The following PPAT variants were observed in gnomAD, a reference collection of about 807,000 sequenced individuals.
The protein encoded by PPAT is amidophosphoribosyltransferase.
Under a neutral mutation model 60.2 loss-of-function variants are expected in PPAT, and 20 were observed. That is an observed-to-expected ratio of 0.33 (90% CI 0.23 to 0.48). PPAT has a LOEUF of 0.48. Ranked by LOEUF, PPAT falls within the 20% of genes least tolerant of loss-of-function variation. The pLI, the probability that PPAT is intolerant of heterozygous loss-of-function variation, is 0.99. For synonymous variants in PPAT, 194 were observed against 215.1 expected (o/e 0.90, Z 0.86); for missense variants, 349 against 629.6 (o/e 0.55, Z 4.77).
At chr4:56,430,784 A>G (rs529587828) in intron 1 of PPAT, among the ~76,000 whole-genome samples, 2 of 151,812 alleles carry the variant, frequency 1.3e-5, no homozygotes, top group African/African-American at 4.8e-5. Flanking sequence ...CTTACAATAT[A>G]TAAGTCTAGG....
chr4:56,431,250 C>T (rs1717569147), intron 1 of PPAT, among the ~76,000 whole-genome samples: 1 of 152,118 alleles, frequency 6.6e-6, no homozygotes, highest in Non-Finnish European at 1.5e-5. Flanking sequence ...GTAAGATATT[C>T]CCTGCCTTAA....
chr4:56,432,973 C>CATAT (rs200791013), intron 1 of PPAT, among the ~76,000 whole-genome samples: 4 of 127,456 alleles, frequency 3.1e-5, no homozygotes, highest in African/African-American at 9.0e-5. Flanking sequence ...TATATATATA[C>CATAT]ATATATACAT....
At chr4:56,403,492 T>A in intron 3 of PPAT, 91 bp from the exon 4 acceptor site, 1 of 754,664 alleles carries the variant, frequency 1.3e-6, no homozygotes, top group Non-Finnish European at 2.0e-6. Flanking sequence ...AATAAGGCAT[T>A]CTGTGGATGT....
intron 3 of PPAT, among the ~76,000 whole-genome samples, chr4:56,404,465 G>A (rs182675531): frequency 1.8e-4 from 28 of 152,296 alleles, no homozygotes; most frequent in Admixed American, 1.6e-3. Context: ...TAATTACAAA[G>A]TTCTGAGCAG....
chr4:56,418,667 C>CA (rs1265478860), intron 1 of PPAT, among the ~76,000 whole-genome samples: 6 of 151,270 alleles, frequency 4.0e-5, no homozygotes, highest in Non-Finnish European at 5.9e-5. Context: ...AACCCTGTCT[C>CA]AAAAAAAACA....
intron 3 of PPAT, among the ~76,000 whole-genome samples, chr4:56,404,550 T>C (rs1006345778): frequency 2.0e-5 from 3 of 151,852 alleles, no homozygotes; most frequent in African/African-American, 7.3e-5. Context: ...ACATTTTCAG[T>C]AGGGAGCTAA....
At chr4:56,410,317 A>G (rs959784819) in intron 1 of PPAT, among the ~76,000 whole-genome samples, 1 of 152,238 alleles carries the variant, frequency 6.6e-6, no homozygotes, top group African/African-American at 2.4e-5. Context: ...TGATATAGTT[A>G]AGAATCATTT....
chr4:56,397,275 G>C (rs1476578546), intron 9 of PPAT, among the ~76,000 whole-genome samples: 2 of 151,992 alleles, frequency 1.3e-5, no homozygotes, highest in Non-Finnish European at 2.9e-5. Context: ...TTCACCAACA[G>C]GGAGATATGC....
intron 10 of PPAT, among the ~76,000 whole-genome samples, 188 bp from the exon 11 acceptor site, chr4:56,395,736 A>T (rs1443985903): frequency 6.6e-6 from 1 of 151,898 alleles, no homozygotes; most frequent in Non-Finnish European, 1.5e-5. Context: ...AAAAATTTTA[A>T]TTGGAATCTA....
Position 56,396,586 on chromosome 4 carries a change from A to C in PPAT, c.1357+33T>G. Reference sequence around the variant, plus strand: ...GTCAAGCTTTGGATTTTCTCTGTTAATAATCAAAGTTTATAGAAATTTTAA... The same window carrying C: ...GTCAAGCTTTGGATTTTCTCTGTTACTAATCAAAGTTTATAGAAATTTTAA... On this transcript the variant is annotated intron_variant, in intron 10 of 10. Transcript: ENST00000264220. This position sits in a 1 kb window ranked among gnomAD's most constrained non-coding sequence, Gnocchi z 4.6. 6.4e-7 allele frequency: 1 copy of C among 1,567,966 alleles called. No individual in the cohort carries two copies. Among genetic ancestry groups the C allele is most frequent in the African/African-American group, 1.4e-5 (1 of 73,498 alleles).
chr4:56,410,207 A>C (rs1221141431), intron 1 of PPAT, among the ~76,000 whole-genome samples: 1 of 152,216 alleles, frequency 6.6e-6, no homozygotes, highest in Non-Finnish European at 1.5e-5. Flanking sequence ...AAAAATCAAC[A>C]ATCATTTGGT....
chr4:56,423,695 A>G (rs1018229722), intron 1 of PPAT, among the ~76,000 whole-genome samples: 7 of 152,020 alleles, frequency 4.6e-5, no homozygotes, highest in Non-Finnish European at 8.8e-5. Flanking sequence ...CATGCCAAAT[A>G]TGAAATATTT....
chr4:56,396,850 A>G lies in PPAT; in HGVS notation c.1237-111T>C. 1 of 1,050,820 alleles carries G rather than the reference A, an allele frequency of 9.5e-7. No homozygotes were observed. The highest frequency in any genetic ancestry group is 1.3e-6 in the Non-Finnish European group (1 of 756,634). 65.1% of individuals were successfully genotyped at this position (1,050,820 alleles called of 1,614,324 possible). A position where few individuals can be genotyped will look rare whatever the true frequency, so the allele number is the denominator to read the frequency against. On this transcript the variant is annotated intron_variant, in intron 9 of 10. Transcript: ENST00000264220. The surrounding 1 kb of genome is among the most constrained non-coding windows in gnomAD (Gnocchi z 4.6). ...GAATATTCAGTAACAACATATGGGT[A>G]ATAAATTATTCTTTCTACAAAGCTG...
intron 1 of PPAT, among the ~76,000 whole-genome samples, chr4:56,413,054 TC>T (rs1251718017): frequency 1.3e-5 from 2 of 152,230 alleles, no homozygotes; most frequent in African/African-American, 4.8e-5. Context: ...ATACCTTTTG[TC>T]CATTTTTAGT....
chr4:56,425,929 C>A lies in PPAT; in HGVS notation c.128+9421G>T, dbSNP rs191718531. Reference sequence around the variant, plus strand: ...CTTCCCACAGACATCACTGCATTAACCTCTACACTTGACTTGTCTTTACTT... The same window carrying A: ...CTTCCCACAGACATCACTGCATTAAACTCTACACTTGACTTGTCTTTACTT... On this transcript the variant is annotated intron_variant, in intron 1 of 10. Coordinates refer to ENST00000264220, the MANE Select transcript of PPAT (RefSeq NM_002703.5). 2.6e-3 allele frequency among the ~76,000 whole-genome samples: 391 copies of A among 152,300 alleles called. 3 individuals are homozygous for A. The highest frequency in any genetic ancestry group is 8.9e-3 in the African/African-American group (368 of 41,546).
At chr4:56,406,743 G>C (rs757929334) in intron 2 of PPAT, 42 bp from the exon 3 acceptor site, 2 of 1,403,992 alleles carry the variant, frequency 1.4e-6, no homozygotes, top group Non-Finnish European at 2.0e-6. Context: ...AAACAGACTA[G>C]TACTGCTAGT....
intron 3 of PPAT, among the ~76,000 whole-genome samples, chr4:56,405,996 G>T (rs185158461): frequency 2.9e-3 from 449 of 152,258 alleles, no homozygotes; most frequent in Middle Eastern, 6.8e-3. Flanking sequence ...TCTGGAACCT[G>T]ACTTTACCTC....
In PPAT at chr4:56,393,549, T is replaced by C. The variant is rs1168120425; in HGVS notation, c.*1803A>G. On this transcript the variant is annotated 3_prime_UTR_variant, in exon 11 of 11. Coordinates refer to ENST00000264220, the MANE Select transcript of PPAT (RefSeq NM_002703.5). ...TTGAGATTAAATTGGTAAAAAAAAATTGTAATTGAATTCAGACTTCAGAAA... is the reference window on the plus strand; with the variant it reads ...TTGAGATTAAATTGGTAAAAAAAAACTGTAATTGAATTCAGACTTCAGAAA... 1 of 146,422 alleles carries C rather than the reference T, an allele frequency of 6.8e-6. No individual in the cohort carries two copies. Among genetic ancestry groups the C allele is most frequent in the African/African-American group, 2.5e-5 (1 of 39,668 alleles). 9.1% of individuals were successfully genotyped at this position (146,422 alleles called of 1,614,324 possible).
chr4:56,417,724 C>A (rs2110053779), intron 1 of PPAT, among the ~76,000 whole-genome samples: 1 of 152,150 alleles, frequency 6.6e-6, no homozygotes, highest in South Asian at 2.1e-4. Context: ...GGGTTCAAGG[C>A]TGCAGTGAGC....
Sources: gnomAD v4.1 joint callset for allele counts (sites outside exome capture counted in the v4.1 genomes callset) on GRCh38, gnomAD v4.1.1 for gene constraint, Gnocchi (gnomAD v3.1) non-coding constraint, MANE v1.5 for transcripts, NCBI Gene and HGNC (gene_info 2026-07-23, HGNC 2026-07-21) for gene names.